EPB41L4A: variants seen among roughly 807,000 people sequenced by gnomAD.
EPB41L4A encodes band 4.1-like protein 4A.
EPB41L4A carries 100 observed loss-of-function variants against 108.6 expected under a neutral mutation model. That is an observed-to-expected ratio of 0.92 (90% CI 0.78 to 1.09). EPB41L4A has a LOEUF of 1.09. Among genes scored for constraint, EPB41L4A ranks in the 50% least tolerant of loss-of-function variants. EPB41L4A has a pLI of 0.00. For missense variants in EPB41L4A, 1,030 were observed against 842.7 expected, an observed-to-expected ratio of 1.22 and a Z score of -2.75; for synonymous variants, 319 against 289.0, an observed-to-expected ratio of 1.10 and a Z score of -1.05.
At chr5:112,370,626 G>C (rs1183041889) in intron 1 of EPB41L4A, among the ~76,000 whole-genome samples, 1 of 152,162 alleles carries the variant, frequency 6.6e-6, no homozygotes, top group Admixed American at 6.5e-5. Context: ...TTAAAAGTAA[G>C]TAACGAGGCC....
At chr5:112,280,634 C>T (rs1752909757) in intron 2 of EPB41L4A, among the ~76,000 whole-genome samples, 1 of 152,084 alleles carries the variant, frequency 6.6e-6, no homozygotes, top group Non-Finnish European at 1.5e-5. Flanking sequence ...TTAAAAATAA[C>T]ATTAAATTAA....
chr5:112,301,977 G>T (rs1414367691), intron 2 of EPB41L4A, among the ~76,000 whole-genome samples: 1 of 151,768 alleles, frequency 6.6e-6, no homozygotes, highest in Non-Finnish European at 1.5e-5. Context: ...CGACATAAAA[G>T]GAATAAATAA....
chr5:112,293,029 G>T (rs372459026), intron 2 of EPB41L4A, among the ~76,000 whole-genome samples: 2 of 152,038 alleles, frequency 1.3e-5, no homozygotes, highest in African/African-American at 4.8e-5. Flanking sequence ...CTCAGGTACT[G>T]CATTTATTGA....
At chr5:112,175,616 C>G (rs544382953) in intron 18 of EPB41L4A, 22 of 151,942 alleles carry the variant, frequency 1.4e-4, no homozygotes, top group African/African-American at 5.1e-4. Context: ...ATGGAGAGAT[C>G]AGTGGTTTAC....
At chr5:112,255,789 G>A (rs573154858) in intron 9 of EPB41L4A, among the ~76,000 whole-genome samples, 4 of 152,098 alleles carry the variant, frequency 2.6e-5, no homozygotes, top group African/African-American at 7.2e-5. Context: ...TAAACTCCAG[G>A]CTCACATAGC....
At chr5:112,193,494 T>G (rs1761809157) in intron 17 of EPB41L4A, among the ~76,000 whole-genome samples, 1 of 152,078 alleles carries the variant, frequency 6.6e-6, no homozygotes, top group African/African-American at 2.4e-5. Flanking sequence ...AGAGACAGGG[T>G]TTCTCCATGT....
chr5:112,289,744 C>G (rs77030968), intron 2 of EPB41L4A, among the ~76,000 whole-genome samples: 9,409 of 152,254 alleles, frequency 0.062, 390 homozygotes, highest in East Asian at 0.17. Flanking sequence ...ACTCCAGCCT[C>G]CAGCCTTCAT....
At chr5:112,215,231 C>A (rs1747535448) in intron 12 of EPB41L4A, among the ~76,000 whole-genome samples, 1 of 152,190 alleles carries the variant, frequency 6.6e-6, no homozygotes, top group Non-Finnish European at 1.5e-5. Flanking sequence ...CGGCAATATA[C>A]CTTGCAGGAC....
At chr5:112,407,303 G>T (rs997236466) in intron 1 of EPB41L4A, among the ~76,000 whole-genome samples, 2 of 152,122 alleles carry the variant, frequency 1.3e-5, no homozygotes, top group East Asian at 3.9e-4. Flanking sequence ...TGCCAGTTTT[G>T]ATACCACTAA....
At chr5:112,258,213 C>T (rs781090592) in intron 9 of EPB41L4A, among the ~76,000 whole-genome samples, 8 of 152,190 alleles carry the variant, frequency 5.3e-5, no homozygotes, top group Admixed American at 5.2e-4. Context: ...TCTGATGTGG[C>T]AGCACACAGT....
intron 1 of EPB41L4A, among the ~76,000 whole-genome samples, chr5:112,396,474 TA>T (rs1221214669): frequency 1.3e-5 from 2 of 152,196 alleles, no homozygotes; most frequent in Non-Finnish European, 2.9e-5. Flanking sequence ...CGTAATGGTT[TA>T]AAACAACAAA....
chr5:112,207,151 G>A (rs1158776251), intron 13 of EPB41L4A: 1 of 152,194 alleles, frequency 6.6e-6, no homozygotes, highest in Non-Finnish European at 1.5e-5. Flanking sequence ...ACAACCATCT[G>A]ATCTTCAACA....
At chr5:112,394,787 A>G (rs1322831990) in intron 1 of EPB41L4A, among the ~76,000 whole-genome samples, 1 of 152,230 alleles carries the variant, frequency 6.6e-6, no homozygotes, top group African/African-American at 2.4e-5. Flanking sequence ...TGCCAAGACA[A>G]TCCTAAGCCA....
At chr5:112,206,797 A>C (rs1762494717) in intron 13 of EPB41L4A, 1 of 152,258 alleles carries the variant, frequency 6.6e-6, no homozygotes, top group Non-Finnish European at 1.5e-5. Context: ...GTGGTGCTTC[A>C]AGTACCAGTA....
intron 1 of EPB41L4A, among the ~76,000 whole-genome samples, chr5:112,385,507 CAAAAA>C (rs201988960): frequency 1.3e-5 from 1 of 75,552 alleles, no homozygotes; most frequent in African/African-American, 3.7e-5. Context: ...TGGTTATTTT[CAAAAA>C]AAAAAAAAAA....
At chr5:112,311,398 A>G (rs745585995) in intron 1 of EPB41L4A, among the ~76,000 whole-genome samples, 1 of 152,186 alleles carries the variant, frequency 6.6e-6, no homozygotes, top group Non-Finnish European at 1.5e-5. Context: ...CCTAAAATAA[A>G]TTCTATCCAA....
intron 17 of EPB41L4A, among the ~76,000 whole-genome samples, chr5:112,193,028 AAAG>A (rs1185517676): frequency 6.6e-6 from 1 of 152,240 alleles, no homozygotes; most frequent in Non-Finnish European, 1.5e-5. Flanking sequence ...ATGGGTTTTC[AAAG>A]AAGAAACTGA....
At chr5:112,155,176 T>G (rs552378051) in intron 12 of EPB41L4A, among the ~76,000 whole-genome samples, 9 of 152,270 alleles carry the variant, frequency 5.9e-5, no homozygotes, top group Admixed American at 5.9e-4. Context: ...AGAGGAATAG[T>G]TCTTCAGATT....
chr5:112,153,108 A>G (rs1759528807), intron 12 of EPB41L4A, among the ~76,000 whole-genome samples: 1 of 152,056 alleles, frequency 6.6e-6, no homozygotes, highest in Non-Finnish European at 1.5e-5. Context: ...GGTCCCAGCT[A>G]CTGAGGAGGC....
Sources: allele counts gnomAD v4.1 joint callset (sites outside exome capture counted in the v4.1 genomes callset), GRCh38; gene constraint gnomAD v4.1.1; transcripts MANE v1.5; gene names NCBI Gene and HGNC (gene_info 2026-07-23, HGNC 2026-07-21).